The following ANO4 variants were observed in gnomAD, a reference collection of about 807,000 sequenced individuals.
The protein encoded by ANO4 is anoctamin-4.
A neutral mutation model predicts 141.9 loss-of-function variants in ANO4; 69 were observed. The observed-to-expected ratio is 0.49, with a 90% CI of 0.40 to 0.59. The LOEUF is 0.59. Among genes scored for constraint, ANO4 ranks in the 20% least tolerant of loss-of-function variants. The pLI is 0.00. For missense variants in ANO4, 894 were observed against 1,162.2 expected, an observed-to-expected ratio of 0.77 and a Z score of 3.36; for synonymous variants, 350 against 394.3, an observed-to-expected ratio of 0.89 and a Z score of 1.33.
At chr12:100,996,609 T>C (rs997715153) in intron 8 of ANO4, among the ~76,000 whole-genome samples, 5 of 152,060 alleles carry the variant, frequency 3.3e-5, no homozygotes, top group Non-Finnish European at 2.9e-5. Flanking sequence ...CACTTGAACC[T>C]GGGAGGCGGA....
intron 8 of ANO4, among the ~76,000 whole-genome samples, chr12:101,019,274 A>G (rs982769262): frequency 5.3e-5 from 8 of 152,168 alleles, no homozygotes; most frequent in African/African-American, 1.7e-4. Context: ...AAGGGGAAAC[A>G]TGGCCATTTC....
intron 8 of ANO4, among the ~76,000 whole-genome samples, chr12:101,006,126 A>G (rs1433442944): frequency 6.6e-6 from 1 of 152,224 alleles, no homozygotes. Flanking sequence ...CAATAAATAA[A>G]AAGAAAAAGG....
At chr12:100,766,519 T>C (rs947734361) in intron 3 of ANO4, among the ~76,000 whole-genome samples, 1 of 152,166 alleles carries the variant, frequency 6.6e-6, no homozygotes, top group Admixed American at 6.5e-5. Flanking sequence ...CAGGAGTGTG[T>C]TGTTTACTTT....
At chr12:100,895,283 C>T (rs1311526170) in intron 1 of ANO4, among the ~76,000 whole-genome samples, 2 of 152,020 alleles carry the variant, frequency 1.3e-5, no homozygotes, top group Non-Finnish European at 2.9e-5. Context: ...ACATAGACAG[C>T]ATTGCTGTGA....
Position 100,956,758 on chromosome 12 carries a change from G to A in ANO4, c.456+14223G>A, listed in dbSNP as rs577124121. Among the ~76,000 whole-genome samples the A allele has an allele frequency of 1.4e-3, 219 of 152,252 alleles. 2 individuals are homozygous for A. The highest frequency in any genetic ancestry group is 5.0e-3 in the African/African-American group (207 of 41,560). ...CTGTTACAGGCGTTCGCTGTTCGCT[G>A]TTGCTTCTGATTGTTCAAGGGGATC... On this transcript the variant is annotated intron_variant, in intron 5 of 27. Transcript: ENST00000392977.
intron 3 of ANO4, among the ~76,000 whole-genome samples, chr12:100,933,256 A>T (rs899602408): frequency 2.6e-5 from 4 of 151,924 alleles, no homozygotes; most frequent in Admixed American, 2.6e-4. Flanking sequence ...TCTCCTAATG[A>T]TATCCCTCCC....
chr12:100,815,500 C>G (rs1395542776), intron 1 of ANO4, among the ~76,000 whole-genome samples: 1 of 152,068 alleles, frequency 6.6e-6, no homozygotes. Context: ...ATATAACATT[C>G]AATATTTTGC....
chr12:100,952,086 G>A (rs1004536931), intron 5 of ANO4, among the ~76,000 whole-genome samples: 5 of 152,160 alleles, frequency 3.3e-5, no homozygotes, highest in Admixed American at 1.3e-4. Flanking sequence ...AGGGGGTAGC[G>A]CTTCCATTCT....
chr12:100,830,747 G>A (rs573890542), intron 1 of ANO4, among the ~76,000 whole-genome samples: 1 of 152,116 alleles, frequency 6.6e-6, no homozygotes, highest in South Asian at 2.1e-4. Context: ...CTGAGATAAC[G>A]TTTCTTACAT....
Position 100,966,884 on chromosome 12 carries a change from T to TACACACAC in ANO4, c.457-4408_457-4401dup, listed in dbSNP as rs139462317. Among the ~76,000 whole-genome samples the TACACACAC allele has an allele frequency of 1.2e-4, 18 of 147,576 alleles. 1 individual carries two copies. The highest frequency in any genetic ancestry group is 1.0e-3 in the East Asian group (5 of 4,988). On this transcript the variant is annotated intron_variant, in intron 5 of 27. Coordinates refer to ENST00000392977, the MANE Select transcript of ANO4 (RefSeq NM_001286615.2). ...ATGTATATATATATACACACACACATACACACACACACACACACACATACA... is the reference window on the plus strand; with the variant it reads ...ATGTATATATATATACACACACACATACACACACACACACACACACACACACACATACA...
chr12:100,913,715 G>GT (rs2041214506), intron 2 of ANO4, among the ~76,000 whole-genome samples: 1 of 152,188 alleles, frequency 6.6e-6, no homozygotes, highest in South Asian at 2.1e-4. Flanking sequence ...ACTATAACTA[G>GT]TAGAGCTGAG....
chr12:100,727,694 T>A (rs1184316687), intron 1 of ANO4, among the ~76,000 whole-genome samples: 1 of 152,174 alleles, frequency 6.6e-6, no homozygotes, highest in Non-Finnish European at 1.5e-5. Context: ...TTTGAACTTA[T>A]TTTTAACCAT....
chr12:100,995,128 T>A (rs1592959310), intron 8 of ANO4, among the ~76,000 whole-genome samples: 2 of 132,852 alleles, frequency 1.5e-5, no homozygotes, highest in Non-Finnish European at 1.6e-5. Context: ...GAGGGTGGGG[T>A]GAGGGGAATG....
At chr12:100,832,959 G>A (rs2036706183) in intron 1 of ANO4, among the ~76,000 whole-genome samples, 1 of 152,138 alleles carries the variant, frequency 6.6e-6, no homozygotes, top group South Asian at 2.1e-4. Context: ...CAACTCTTGT[G>A]TGAGGAATTG....
chr12:100,730,158 A>G lies in ANO4; in HGVS notation c.23-3616A>G, dbSNP rs558198220. On this transcript the variant is annotated intron_variant, in intron 1 of 29. Transcript: ENST00000644049. ...ATAGAGCCCTAGAGAAGGGTTTAGA[A>G]AGAATGAGGAATGACAACTTTAGAG... is the stretch of plus-strand genomic sequence containing the variant. Among the ~76,000 whole-genome samples the G allele has an allele frequency of 5.3e-5, 8 of 152,334 alleles. No homozygotes were observed. In the South Asian group the frequency reaches 1.4e-3, roughly 28 times the overall value.
intron 26 of ANO4, among the ~76,000 whole-genome samples, chr12:101,123,396 C>T (rs1236439844): frequency 6.6e-6 from 1 of 152,130 alleles, no homozygotes; most frequent in African/African-American, 2.4e-5. Flanking sequence ...CGGTCATCTG[C>T]TGCACAGATC....
At chr12:101,114,386 G>A (rs2050775065) in intron 24 of ANO4, among the ~76,000 whole-genome samples, 1 of 152,166 alleles carries the variant, frequency 6.6e-6, no homozygotes, top group Non-Finnish European at 1.5e-5. Flanking sequence ...GATGTACACA[G>A]CTGATAACTG....
At chr12:100,953,376 A>G (rs2043050615) in intron 5 of ANO4, among the ~76,000 whole-genome samples, 1 of 152,230 alleles carries the variant, frequency 6.6e-6, no homozygotes, top group Admixed American at 6.5e-5. Context: ...AAAAATTTGA[A>G]AAAGATGAAG....
chr12:101,111,990 C>T (rs1009823344), intron 24 of ANO4, among the ~76,000 whole-genome samples: 2 of 152,108 alleles, frequency 1.3e-5, no homozygotes, highest in Non-Finnish European at 2.9e-5. Context: ...TTTTCCCCAC[C>T]CCTGACCTCT....
Sources: allele counts gnomAD v4.1 joint callset (sites outside exome capture counted in the v4.1 genomes callset), GRCh38; gene constraint gnomAD v4.1.1; transcripts MANE v1.5; gene names NCBI Gene and HGNC (gene_info 2026-07-23, HGNC 2026-07-21).